Variants in BCAR3 observed in about 807,000 individuals in gnomAD.
BCAR3 encodes BCAR3 adaptor protein, NSP family member.
A neutral mutation model predicts 80.1 loss-of-function variants in BCAR3; 37 were observed. The observed-to-expected ratio is 0.46, with a 90% CI of 0.36 to 0.61. The LOEUF (loss-of-function observed/expected upper bound fraction) is 0.61. BCAR3 is among the 20% of genes least tolerant of loss of function. The pLI is 0.00. For synonymous variants in BCAR3, 389 were observed against 418.9 expected (o/e 0.93, Z 0.87); for missense variants, 978 against 1,068.2 (o/e 0.92, Z 1.18).
chr1:93,761,003 A>T (rs1651925341), intron 2 of BCAR3, among the ~76,000 whole-genome samples: 1 of 152,218 alleles, frequency 6.6e-6, no homozygotes, highest in Non-Finnish European at 1.5e-5. Flanking sequence ...TCCTGTTGGA[A>T]GAAGTGAGAT....
At chr1:93,841,416 C>G (rs907520344) in intron 2 of BCAR3, among the ~76,000 whole-genome samples, 1 of 152,198 alleles carries the variant, frequency 6.6e-6, no homozygotes, top group African/African-American at 2.4e-5. Flanking sequence ...CAAGCCTGAC[C>G]AGCCTTGAAG....
chr1:93,673,831 T>G (rs1378397496), intron 2 of BCAR3, among the ~76,000 whole-genome samples: 1 of 152,256 alleles, frequency 6.6e-6, no homozygotes, highest in African/African-American at 2.4e-5. Flanking sequence ...TAAGGAGATA[T>G]GGGGTCTAAT....
chr1:93,784,158 G>A (rs898852465), intron 2 of BCAR3, among the ~76,000 whole-genome samples: 42 of 145,520 alleles, frequency 2.9e-4, no homozygotes, highest in African/African-American at 1.0e-3. Context: ...GTGGTGATGA[G>A]TTTTCCCTAC....
At chr1:93,635,242 G>C (rs1306138003) in intron 3 of BCAR3, among the ~76,000 whole-genome samples, 1 of 145,904 alleles carries the variant, frequency 6.9e-6, no homozygotes, top group Admixed American at 6.7e-5. Flanking sequence ...GTAAATAAAA[G>C]TCCATTCCTC....
intron 3 of BCAR3, among the ~76,000 whole-genome samples, chr1:93,636,418 G>T (rs905962502): frequency 6.6e-6 from 1 of 152,124 alleles, no homozygotes; most frequent in Non-Finnish European, 1.5e-5. Flanking sequence ...ATCTAGCCAG[G>T]AACAAAAGGT....
In BCAR3 at chr1:93,629,314, G is replaced by GT. The variant is rs575203770; in HGVS notation, c.357+12989dup. On this transcript the variant is annotated intron_variant, in intron 3 of 11. Transcript: ENST00000260502. ...AGCATCCTTCCTGCCAAGCCGAGAT[G>GT]TTTTTTCAGATACCAAATCACAATT... Among the ~76,000 whole-genome samples the GT allele has an allele frequency of 3.3e-3, 498 of 152,238 alleles. 8 individuals carry two copies. Among genetic ancestry groups the GT allele is most frequent in the African/African-American group, 0.012 (487 of 41,536 alleles).
chr1:93,782,983 A>G (rs1428286763), intron 2 of BCAR3, among the ~76,000 whole-genome samples: 2 of 152,174 alleles, frequency 1.3e-5, no homozygotes, highest in African/African-American at 2.4e-5. Context: ...TTTACTCTAT[A>G]AAAATGGACA....
chr1:93,804,123 C>A (rs1653584953), intron 2 of BCAR3, among the ~76,000 whole-genome samples: 1 of 152,206 alleles, frequency 6.6e-6, no homozygotes, highest in African/African-American at 2.4e-5. Flanking sequence ...CCAGCCTATA[C>A]AACACAGTGA....
chr1:93,723,835 C>T (rs927329272), intron 2 of BCAR3, among the ~76,000 whole-genome samples: 2 of 152,098 alleles, frequency 1.3e-5, no homozygotes, highest in East Asian at 1.9e-4. Flanking sequence ...CAGGGCCTCT[C>T]GGCAGTTCTC....
At chr1:93,722,998 G>A (rs150864819) in intron 2 of BCAR3, among the ~76,000 whole-genome samples, 9 of 152,286 alleles carry the variant, frequency 5.9e-5, no homozygotes, top group Middle Eastern at 3.4e-3. Flanking sequence ...AGAAGCAGCC[G>A]TGATTAGAGG....
chr1:93,643,283 G>T (rs190594890), intron 2 of BCAR3, among the ~76,000 whole-genome samples: 5 of 151,194 alleles, frequency 3.3e-5, no homozygotes, highest in East Asian at 3.9e-4. Context: ...CAGCATTTTG[G>T]GGGGGCCGAG....
intron 3 of BCAR3, among the ~76,000 whole-genome samples, chr1:93,691,485 A>T (rs6657709): frequency 0.29 from 43,404 of 152,106 alleles, 9,070 homozygotes; most frequent in African/African-American, 0.6. Context: ...TACAGGAGTT[A>T]TCATTCTACA....
intron 2 of BCAR3, among the ~76,000 whole-genome samples, chr1:93,800,871 A>G (rs1473052316): frequency 1.3e-5 from 2 of 152,164 alleles, no homozygotes; most frequent in Admixed American, 6.6e-5. Context: ...AGAGATTCTG[A>G]TTTGTATGTA....
rs370855551 is a variant in BCAR3 at position 93,607,372 on chromosome 1, G to A, written c.358-14979C>T. 6.6e-5 allele frequency among the ~76,000 whole-genome samples: 10 copies of A among 152,190 alleles called. 1 individual carries two copies. The South Asian group carries it at 1.9e-3, about 29-fold the overall frequency. ...ATGTTTCTAAGCTAAGAGGAAACAC[G>A]ATCTCGTTATGAGAGTTAGAAGGAC... is the stretch of plus-strand genomic sequence containing the variant. On this transcript the variant is annotated intron_variant, in intron 3 of 11. Coordinates refer to ENST00000260502, the MANE Select transcript of BCAR3 (RefSeq NM_003567.4).
At chr1:93,828,198 G>A (rs572167367) in intron 2 of BCAR3, among the ~76,000 whole-genome samples, 1 of 152,256 alleles carries the variant, frequency 6.6e-6, no homozygotes, top group South Asian at 2.1e-4. Flanking sequence ...GACTTGCGAG[G>A]CTGAGGCAGG....
At chr1:93,692,766 T>A (rs1331088460) in intron 3 of BCAR3, among the ~76,000 whole-genome samples, 1 of 152,158 alleles carries the variant, frequency 6.6e-6, no homozygotes, top group Non-Finnish European at 1.5e-5. Context: ...GGTTGATTGC[T>A]TGAGCGTGGT....
chr1:93,575,999 G>GACGGC lies in BCAR3; in HGVS notation c.1802+10_1802+14dup, dbSNP rs1381483084. 6.2e-7 allele frequency: 1 copy of GACGGC among 1,607,506 alleles called. No homozygotes were observed. The highest frequency in any genetic ancestry group is 8.5e-7 in the Non-Finnish European group (1 of 1,174,002). On this transcript the variant is annotated intron_variant, in intron 8 of 11. Transcript: ENST00000260502. ...AGCTGGGAGGGTCGGAAGTGCAGAG[G>GACGGC]ACGGCACTGCTCACCTTTCAATTAT...
Position 93,725,770 on chromosome 1 carries a change from T to C in BCAR3, c.-62-19628A>G, listed in dbSNP as rs554957709. 6.9e-4 allele frequency among the ~76,000 whole-genome samples: 105 copies of C among 152,354 alleles called. 1 individual carries two copies. Among genetic ancestry groups the C allele is most frequent in the Middle Eastern group, 6.8e-3 (2 of 294 alleles). ...AAATCATTAATCCACTAAGAGTTGA[T>C]ATTTGGGTAGAGGTGAAGTAGGGAT... On this transcript the variant is annotated intron_variant, in intron 2 of 13. Transcript: ENST00000370244.
At chr1:93,755,558 G>A (rs1651714016) in intron 2 of BCAR3, among the ~76,000 whole-genome samples, 2 of 152,324 alleles carry the variant, frequency 1.3e-5, no homozygotes, top group South Asian at 4.1e-4. Flanking sequence ...GTAACATGCT[G>A]TAAAGGTTTG....
Sources: gnomAD v4.1 joint callset for allele counts (sites outside exome capture counted in the v4.1 genomes callset) on GRCh38, gnomAD v4.1.1 for gene constraint, MANE v1.5 for transcripts, NCBI Gene and HGNC (gene_info 2026-07-23, HGNC 2026-07-21) for gene names.